PTPRG: variants seen among roughly 807,000 people sequenced by gnomAD.
PTPRG encodes the protein receptor-type tyrosine-protein phosphatase gamma.
A neutral mutation model predicts 165.3 loss-of-function variants in PTPRG; 102 were observed. The ratio of observed to expected loss-of-function variants is 0.62; its 90% CI spans 0.53 to 0.73. PTPRG has a LOEUF of 0.73. PTPRG is among the 30% of genes least tolerant of loss of function. The pLI is 0.00. For missense variants in PTPRG, 1,866 were observed against 1,861.4 expected (o/e 1.00, Z -0.05); for synonymous variants, 675 against 669.5 (o/e 1.01, Z -0.13).
intron 1 of PTPRG, among the ~76,000 whole-genome samples, chr3:61,694,876 C>G (rs1204255791): frequency 6.6e-6 from 1 of 152,190 alleles, no homozygotes; most frequent in Non-Finnish European, 1.5e-5. Context: ...CTCTCTCACT[C>G]TCACCCTCAC....
At chr3:62,045,008 G>T (rs1559764282) in intron 4 of PTPRG, among the ~76,000 whole-genome samples, 1 of 152,116 alleles carries the variant, frequency 6.6e-6, no homozygotes, top group Non-Finnish European at 1.5e-5. Context: ...ACCCGGATGA[G>T]TGTTTTAATT....
At chr3:61,972,460 C>T (rs1197994990) in intron 2 of PTPRG, among the ~76,000 whole-genome samples, 1 of 140,214 alleles carries the variant, frequency 7.1e-6, no homozygotes, top group East Asian at 2.3e-4. Context: ...GGATCCCTGG[C>T]TGCTGTGTTG....
At position 62,273,901 on chromosome 3, in the gene PTPRG, G is replaced by C; in HGVS notation, c.3465+57G>C. On this transcript the variant is annotated intron_variant, in intron 23 of 29. Coordinates refer to ENST00000474889, the MANE Select transcript of PTPRG (RefSeq NM_002841.4). The surrounding 1 kb of genome is among the most constrained non-coding windows in gnomAD (Gnocchi z 4.1). ...AGCAAGAAAATGTTTTAAATGCCTT[G>C]AGTTTGGGGGTTATGTCTTCTTTGC... 1 of 1,545,974 alleles carries C rather than the reference G, an allele frequency of 6.5e-7. No individual in the cohort carries two copies. The highest frequency in any genetic ancestry group is 8.9e-7 in the Non-Finnish European group (1 of 1,126,076).
chr3:62,215,546 A>AC (rs35317755), intron 12 of PTPRG, among the ~76,000 whole-genome samples: 12,381 of 63,656 alleles, frequency 0.19, 1,687 homozygotes, highest in Non-Finnish European at 0.24. Context: ...CCCTACGGGA[A>AC]CCCCCCCCCC....
chr3:61,924,257 G>A (rs555446819), intron 2 of PTPRG, among the ~76,000 whole-genome samples: 1 of 152,188 alleles, frequency 6.6e-6, no homozygotes, highest in Non-Finnish European at 1.5e-5. Context: ...ATCCTGACCT[G>A]CACTTGCAGG....
intron 2 of PTPRG, among the ~76,000 whole-genome samples, chr3:61,977,558 A>G (rs1179749364): frequency 6.6e-6 from 1 of 151,564 alleles, no homozygotes; most frequent in African/African-American, 2.4e-5. Context: ...TCTTTACATG[A>G]TGTGATATAT....
rs138072365 is a variant in PTPRG at position 61,947,363 on chromosome 3, C to T, written c.191-42262C>T. Among the ~76,000 whole-genome samples, 77 of 152,164 alleles carry T rather than the reference C, an allele frequency of 5.1e-4. 1 individual carries two copies. The East Asian group carries it at 7.0e-3, about 14-fold the overall frequency. On this transcript the variant is annotated intron_variant, in intron 2 of 29. Transcript: ENST00000474889. ...CCTGAGAAATTATACATACAAAATA[C>T]GTGACATAAGGAAGGGTTCATTTCA...
chr3:62,173,271 T>A (rs1705289021), intron 8 of PTPRG, among the ~76,000 whole-genome samples: 1 of 152,148 alleles, frequency 6.6e-6, no homozygotes, highest in Admixed American at 6.5e-5. Flanking sequence ...CTTCCAAATA[T>A]TTTTGGTCTG....
chr3:62,074,913 C>T (rs778498734), intron 4 of PTPRG, among the ~76,000 whole-genome samples: 3 of 152,108 alleles, frequency 2.0e-5, no homozygotes, highest in African/African-American at 4.8e-5. Flanking sequence ...ACATCACCAC[C>T]GCTGACAAAG....
chr3:62,250,043 G>T (rs1208359485), intron 15 of PTPRG, among the ~76,000 whole-genome samples: 1 of 152,086 alleles, frequency 6.6e-6, no homozygotes, highest in Admixed American at 6.6e-5. Context: ...ATAAATCATA[G>T]ATATGAAATG....
intron 2 of PTPRG, among the ~76,000 whole-genome samples, chr3:61,752,231 G>A (rs933166488): frequency 6.6e-6 from 1 of 152,116 alleles, no homozygotes; most frequent in Non-Finnish European, 1.5e-5. Flanking sequence ...GGGCATGAGG[G>A]TTAAGCAGAC....
intron 2 of PTPRG, among the ~76,000 whole-genome samples, chr3:61,764,159 A>G (rs532032453): frequency 2.2e-4 from 33 of 152,332 alleles, no homozygotes; most frequent in Non-Finnish European, 3.4e-4. Context: ...CAGTTGTACA[A>G]GCTTCTAAAA....
intron 1 of PTPRG, among the ~76,000 whole-genome samples, chr3:61,683,282 A>G (rs1413824995): frequency 6.6e-6 from 1 of 152,270 alleles, no homozygotes; most frequent in Non-Finnish European, 1.5e-5. Context: ...GGGTAAGGCC[A>G]GCAGAGCCGA....
chr3:61,812,626 G>A (rs189582795), intron 2 of PTPRG, among the ~76,000 whole-genome samples: 123 of 152,256 alleles, frequency 8.1e-4, no homozygotes, highest in East Asian at 3.3e-3. Context: ...ATAACTCCTC[G>A]TTAGCTGCTT....
chr3:62,176,376 G>T (rs1230015610), intron 8 of PTPRG, among the ~76,000 whole-genome samples: 1 of 152,136 alleles, frequency 6.6e-6, no homozygotes, highest in Non-Finnish European at 1.5e-5. Flanking sequence ...CCAGGAAGTG[G>T]TAGAGCTCAG....
intron 2 of PTPRG, among the ~76,000 whole-genome samples, chr3:61,886,529 A>G (rs2038043157): frequency 6.6e-6 from 1 of 152,258 alleles, no homozygotes; most frequent in Non-Finnish European, 1.5e-5. Flanking sequence ...TGGATGGTCT[A>G]CAACTTGTCC....
intron 5 of PTPRG, among the ~76,000 whole-genome samples, chr3:62,112,860 C>T (rs1008521098): frequency 4.6e-5 from 7 of 152,186 alleles, no homozygotes; most frequent in African/African-American, 1.7e-4. Flanking sequence ...GTGACTTCTC[C>T]AGTTTGGTGT....
At chr3:61,817,045 A>AATATTATATATAATATATAATACAT (rs1293651967) in intron 2 of PTPRG, among the ~76,000 whole-genome samples, 1 of 131,348 alleles carries the variant, frequency 7.6e-6, no homozygotes, top group African/African-American at 2.8e-5. Context: ...TATAATATAT[A>AATATTATATATAATATATAATACAT]ATATTATATA....
At chr3:61,664,621 A>G (rs572454946) in intron 1 of PTPRG, among the ~76,000 whole-genome samples, 6 of 152,290 alleles carry the variant, frequency 3.9e-5, no homozygotes, top group South Asian at 2.1e-4. Context: ...TTTGAGCCCA[A>G]GAGTTCCAGA....
Sources: gnomAD v4.1 joint callset for allele counts (sites outside exome capture counted in the v4.1 genomes callset) on GRCh38, gnomAD v4.1.1 for gene constraint, Gnocchi (gnomAD v3.1) non-coding constraint, MANE v1.5 for transcripts, NCBI Gene and HGNC (gene_info 2026-07-23, HGNC 2026-07-21) for gene names.